CCDC158: variants seen among roughly 807,000 people sequenced by gnomAD.
CCDC158 encodes coiled-coil domain containing 158.
A neutral mutation model predicts 138.6 loss-of-function variants in CCDC158; 116 were observed. The observed-to-expected ratio is 0.84, with a 90% CI of 0.72 to 0.98. CCDC158 has a LOEUF of 0.98. Among genes scored for constraint, CCDC158 ranks in the 50% least tolerant of loss-of-function variants. The probability of loss-of-function intolerance (pLI) is 0.00; values close to 1 mark genes in which losing one functional copy is unlikely to be tolerated. For synonymous variants in CCDC158, 436 were observed against 442.4 expected (o/e 0.99, Z 0.18); for missense variants, 1,265 against 1,306.1 (o/e 0.97, Z 0.48).
At chr4:76,327,195 C>A (rs552178525) in intron 22 of CCDC158, among the ~76,000 whole-genome samples, 1 of 151,974 alleles carries the variant, frequency 6.6e-6, no homozygotes, top group South Asian at 2.1e-4. Context: ...AACATATAAA[C>A]GAAGTAAACC....
At chr4:76,325,716 G>C (rs1452685977) in intron 23 of CCDC158, 141 bp downstream of exon 23, 1 of 571,822 alleles carries the variant, frequency 1.7e-6, no homozygotes, top group African/African-American at 1.9e-5. Context: ...ATTTAAAAAA[G>C]ACCTGTTTAA....
rs774097430 is a variant in CCDC158, at chr4:76,328,899, C to G, written c.3010+1G>C. On this transcript the variant is annotated splice_donor_variant, in intron 22 of 24. Coordinates refer to ENST00000682701, the MANE Select transcript of CCDC158 (RefSeq NM_001394954.1). LOFTEE classifies it high-confidence loss of function. Reference sequence around the variant, plus strand: ...TTTCTGTGCTTTCATTGGAAACTCACCTGCAGATGTGAATGTGAAGCAACC... The same window carrying G: ...TTTCTGTGCTTTCATTGGAAACTCAGCTGCAGATGTGAATGTGAAGCAACC... 1.2e-6 allele frequency: 2 copies of G among 1,613,172 alleles called. No individual in the cohort carries two copies. Among genetic ancestry groups the G allele is most frequent in the East Asian group, 4.5e-5 (2 of 44,870 alleles).
intron 18 of CCDC158, among the ~76,000 whole-genome samples, chr4:76,337,102 T>A (rs1382463392): frequency 6.6e-6 from 1 of 152,162 alleles, no homozygotes; most frequent in African/African-American, 2.4e-5. Context: ...TGCCTCAGTC[T>A]CCTGAGTAGC....
chr4:76,419,696 G>A (rs551245567), intron 1 of CCDC158, among the ~76,000 whole-genome samples: 1 of 151,296 alleles, frequency 6.6e-6, no homozygotes, highest in African/African-American at 2.4e-5. Flanking sequence ...GGACCTTTGC[G>A]TTTGCATTTA....
intron 12 of CCDC158, among the ~76,000 whole-genome samples, chr4:76,366,647 A>ACACACT (rs1724698792): frequency 6.6e-6 from 1 of 151,862 alleles, no homozygotes; most frequent in Non-Finnish European, 1.5e-5. Flanking sequence ...AAACACACAC[A>ACACACT]CACACACACA....
chr4:76,375,540 T>G (rs1015850473), intron 9 of CCDC158: 9 of 702,238 alleles, frequency 1.3e-5, no homozygotes, highest in Admixed American at 1.0e-4. Flanking sequence ...TAATACAAAA[T>G]TCAGCCCCAA....
At chr4:76,317,572 A>G (rs1184868072) in intron 24 of CCDC158, among the ~76,000 whole-genome samples, 1 of 152,228 alleles carries the variant, frequency 6.6e-6, no homozygotes, top group Admixed American at 6.5e-5. Context: ...TAGACAGGTC[A>G]TCAAGACAGA....
At chr4:76,319,674 G>T (rs2110070075) in intron 24 of CCDC158, among the ~76,000 whole-genome samples, 1 of 150,820 alleles carries the variant, frequency 6.6e-6, no homozygotes, top group African/African-American at 2.4e-5. Flanking sequence ...CACACAAACA[G>T]AATTGAAAAC....
chr4:76,316,244 G>T (rs1719374352), intron 24 of CCDC158, among the ~76,000 whole-genome samples: 1 of 152,016 alleles, frequency 6.6e-6, no homozygotes, highest in African/African-American at 2.4e-5. Flanking sequence ...ATTCTCCAGA[G>T]AAATAGATAT....
chr4:76,378,795 G>C (rs999212567), intron 9 of CCDC158, among the ~76,000 whole-genome samples: 1 of 152,168 alleles, frequency 6.6e-6, no homozygotes, highest in African/African-American at 2.4e-5. Flanking sequence ...TATTAATGTG[G>C]TTTTAAAAGG....
chr4:76,356,969 G>T (rs1179111699), intron 14 of CCDC158, among the ~76,000 whole-genome samples: 1 of 152,016 alleles, frequency 6.6e-6, no homozygotes. Flanking sequence ...TTTTTATCAC[G>T]GTGAAGCAAT....
At chr4:76,362,559 T>A (rs549786773) in intron 12 of CCDC158, among the ~76,000 whole-genome samples, 17 of 152,334 alleles carry the variant, frequency 1.1e-4, no homozygotes, top group African/African-American at 3.8e-4. Context: ...TCTTTTAACC[T>A]TAGATGTCAA....
chr4:76,349,555 GC>G (rs1221668043), intron 18 of CCDC158, among the ~76,000 whole-genome samples: 5 of 152,154 alleles, frequency 3.3e-5, no homozygotes, highest in Admixed American at 3.3e-4. Flanking sequence ...TTTAGTCCCA[GC>G]TACTAGGGAG....
At chr4:76,313,481 G>C (rs1330835455) in intron 24 of CCDC158, among the ~76,000 whole-genome samples, 1 of 150,590 alleles carries the variant, frequency 6.6e-6, no homozygotes, top group African/African-American at 2.5e-5. Flanking sequence ...GTAGAGACAG[G>C]GTCTCTCTAT....
chr4:76,355,378 A>C lies in CCDC158; in HGVS notation c.2232T>G (p.Asp744Glu). 6.2e-7 allele frequency: 1 copy of C among 1,614,012 alleles called. No individual in the cohort carries two copies. The highest frequency in any genetic ancestry group is 1.1e-5 in the South Asian group (1 of 91,082). Reference sequence around the variant, plus strand: ...AAAACTGTATCTTGCTCTGAAGGGCATCTATCTGACCTCTTTTGGCTGTGA... The same window carrying C: ...AAAACTGTATCTTGCTCTGAAGGGCCTCTATCTGACCTCTTTTGGCTGTGA... The part of the protein sequence containing the change: ...KQITAKRGQI[D>E]ALQSKIQFLE... The change falls in exon 15 of 25, where the codon GAT becomes GAG. Residue 744 changes from aspartate (D) to glutamate (E), a missense_variant. Coordinates refer to ENST00000682701, the MANE Select transcript of CCDC158 (RefSeq NM_001394954.1).
rs750790737 is a variant in CCDC158, at chr4:76,351,793, T to C, written c.2465A>G (p.Glu822Gly). Residue 822 changes from glutamate to glycine, a missense_variant, in exon 17 of 25, where the codon GAA becomes GGA. Coordinates refer to ENST00000682701, the MANE Select transcript of CCDC158 (RefSeq NM_001394954.1). Reference protein sequence around the residue: ...ALDKASLQFAECQDIIQRQEQ... With the variant: ...ALDKASLQFAGCQDIIQRQEQ... ...CTGACGCTGTATTATATCTTGACAT[T>C]CTGCAAACTGCAAAGATGCCTACAA... The C allele has an allele frequency of 6.2e-7, 1 of 1,611,752 alleles. No individual in the cohort carries two copies. Among genetic ancestry groups the C allele is most frequent in the South Asian group, 1.1e-5 (1 of 90,956 alleles).
intron 14 of CCDC158, 76 bp from the exon 15 acceptor site, chr4:76,355,512 T>C: frequency 2.1e-6 from 2 of 953,066 alleles, no homozygotes; most frequent in Non-Finnish European, 3.4e-6. Context: ...TGGTTAAACT[T>C]TATGAGAAGG....
intron 9 of CCDC158, chr4:76,375,838 G>T (rs1375176850): frequency 2.1e-6 from 1 of 474,148 alleles, no homozygotes; most frequent in Non-Finnish European, 3.7e-6. Context: ...TTAATCTGAA[G>T]AGAAATATTA....
At chr4:76,361,650 C>G (rs1465509271) in intron 13 of CCDC158, among the ~76,000 whole-genome samples, 1 of 152,192 alleles carries the variant, frequency 6.6e-6, no homozygotes, top group African/African-American at 2.4e-5. Flanking sequence ...CAACCATAAA[C>G]TGGAGTGTTT....
Sources: allele counts gnomAD v4.1 joint callset (sites outside exome capture counted in the v4.1 genomes callset), GRCh38; gene constraint gnomAD v4.1.1; transcripts MANE v1.5; gene names NCBI Gene and HGNC (gene_info 2026-07-23, HGNC 2026-07-21).